SEMA3E: variants seen among roughly 807,000 people sequenced by gnomAD.
SEMA3E encodes semaphorin 3E, also known as semaphorin-3E.
Under a neutral mutation model 93.6 loss-of-function variants are expected in SEMA3E, and 49 were observed. The ratio of observed to expected loss-of-function variants is 0.52; its 90% CI spans 0.42 to 0.66. The LOEUF (loss-of-function observed/expected upper bound fraction) is 0.66, where lower values mean the gene tolerates loss of function less well. SEMA3E is among the 30% of genes least tolerant of loss of function. SEMA3E has a pLI of 0.00. For missense variants in SEMA3E, 906 were observed against 964.8 expected, an observed-to-expected ratio of 0.94 and a Z score of 0.81; for synonymous variants, 363 against 330.7, an observed-to-expected ratio of 1.10 and a Z score of -1.06.
At chr7:83,406,741 C>T (rs1788337677) in intron 7 of SEMA3E, among the ~76,000 whole-genome samples, 1 of 151,808 alleles carries the variant, frequency 6.6e-6, no homozygotes, top group South Asian at 2.1e-4. Flanking sequence ...CCGAATTGTT[C>T]AAACATAGCT....
At chr7:83,501,055 G>A (rs1790588143) in intron 1 of SEMA3E, among the ~76,000 whole-genome samples, 1 of 152,104 alleles carries the variant, frequency 6.6e-6, no homozygotes, top group Non-Finnish European at 1.5e-5. Flanking sequence ...ATTTTACAGA[G>A]AATTAGCTCT....
At chr7:83,484,236 T>C (rs1790207094) in intron 2 of SEMA3E, among the ~76,000 whole-genome samples, 1 of 152,204 alleles carries the variant, frequency 6.6e-6, no homozygotes, top group African/African-American at 2.4e-5. Flanking sequence ...TTCTCACTAA[T>C]TTTTTCCTCT....
chr7:83,511,252 A>G (rs1269649736), intron 1 of SEMA3E, among the ~76,000 whole-genome samples: 1 of 151,804 alleles, frequency 6.6e-6, no homozygotes, highest in African/African-American at 2.4e-5. Context: ...CAATGTTACA[A>G]ATGAATGCCT....
At chr7:83,632,575 C>T (rs537694876) in intron 1 of SEMA3E, among the ~76,000 whole-genome samples, 10 of 152,304 alleles carry the variant, frequency 6.6e-5, no homozygotes, top group African/African-American at 2.2e-4. Context: ...TCCTCCTTGC[C>T]TTCCGCCATG....
At chr7:83,592,047 G>A (rs1792766566) in intron 1 of SEMA3E, among the ~76,000 whole-genome samples, 1 of 151,976 alleles carries the variant, frequency 6.6e-6, no homozygotes. Flanking sequence ...ATATTCAGAA[G>A]TATTTGTATA....
At chr7:83,554,432 G>C (rs1000086301) in intron 1 of SEMA3E, among the ~76,000 whole-genome samples, 2 of 152,106 alleles carry the variant, frequency 1.3e-5, no homozygotes, top group African/African-American at 2.4e-5. Flanking sequence ...ATACGTGCAC[G>C]CAATACTGCT....
At chr7:83,434,575 A>G (rs1236538576) in intron 4 of SEMA3E, among the ~76,000 whole-genome samples, 2 of 152,184 alleles carry the variant, frequency 1.3e-5, no homozygotes, top group East Asian at 1.9e-4. Context: ...ACTGTGTTCT[A>G]TATACTTTCA....
At chr7:83,409,480 G>A (rs1359957262) in intron 5 of SEMA3E, among the ~76,000 whole-genome samples, 1 of 152,064 alleles carries the variant, frequency 6.6e-6, no homozygotes, top group Non-Finnish European at 1.5e-5. Flanking sequence ...TGGTAAAATT[G>A]TTTTCTTAAT....
rs181644053 is a variant in SEMA3E at position 83,461,302 on chromosome 7, C to T, written c.456+5180G>A. On this transcript the variant is annotated intron_variant, in intron 4 of 16. Transcript: ENST00000643230. ...AGCATTGCTGAGTCTTTCTAATCTT[C>T]CTTTTCTACAGACCAATCTGACCTC... Among the ~76,000 whole-genome samples, 425 of 152,220 alleles carry T rather than the reference C, an allele frequency of 2.8e-3. 3 individuals are homozygous for T. Among genetic ancestry groups the T allele is most frequent in the African/African-American group, 9.3e-3 (387 of 41,518 alleles).
chr7:83,634,537 C>T (rs1359581732), intron 1 of SEMA3E, among the ~76,000 whole-genome samples: 1 of 151,916 alleles, frequency 6.6e-6, no homozygotes, highest in Non-Finnish European at 1.5e-5. Flanking sequence ...TACTTCTGAG[C>T]AGTATAATGA....
chr7:83,369,667 C>G (rs1352875241), intron 16 of SEMA3E, among the ~76,000 whole-genome samples: 2 of 152,038 alleles, frequency 1.3e-5, no homozygotes, highest in Non-Finnish European at 2.9e-5. Flanking sequence ...CCAAGAAGAC[C>G]CTCAAAGCAA....
Position 83,460,481 on chromosome 7 carries a change from C to T in SEMA3E, c.456+6001G>A, listed in dbSNP as rs1002201950. 2.6e-5 allele frequency among the ~76,000 whole-genome samples: 4 copies of T among 151,920 alleles called. No homozygotes were observed. The East Asian group carries it at 7.8e-4, about 30-fold the overall frequency. On this transcript the variant is annotated intron_variant, in intron 4 of 16. Transcript: ENST00000643230. Reference sequence around the variant, plus strand: ...TGGTGTTTAATCATTGCAGGGACGCCGCTCTGATTATTTACCCACGTTTCA... The same window carrying T: ...TGGTGTTTAATCATTGCAGGGACGCTGCTCTGATTATTTACCCACGTTTCA...
chr7:83,390,385 A>G (rs370338050), intron 14 of SEMA3E, among the ~76,000 whole-genome samples: 3 of 152,174 alleles, frequency 2.0e-5, no homozygotes, highest in East Asian at 3.9e-4. Flanking sequence ...TCTTTTAGAC[A>G]TATTTAAAGA....
intron 1 of SEMA3E, among the ~76,000 whole-genome samples, chr7:83,521,120 A>T (rs1562817298): frequency 1.3e-5 from 2 of 151,714 alleles, no homozygotes; most frequent in Non-Finnish European, 2.9e-5. Flanking sequence ...GTATAGATGC[A>T]CAAAATGTTG....
intron 1 of SEMA3E, among the ~76,000 whole-genome samples, chr7:83,633,588 T>A (rs947615611): frequency 3.9e-5 from 6 of 152,090 alleles, no homozygotes; most frequent in African/African-American, 1.4e-4. Flanking sequence ...AAGGAAAGAT[T>A]ATAAAATTAA....
At chr7:83,537,362 C>T (rs905371331) in intron 1 of SEMA3E, among the ~76,000 whole-genome samples, 5 of 152,154 alleles carry the variant, frequency 3.3e-5, no homozygotes, top group Admixed American at 1.3e-4. Context: ...CCCTCCAATT[C>T]ACAATCCCTA....
At chr7:83,387,563 T>C (rs1787905839) in intron 14 of SEMA3E, among the ~76,000 whole-genome samples, 1 of 152,072 alleles carries the variant, frequency 6.6e-6, no homozygotes, top group South Asian at 2.1e-4. Flanking sequence ...CAATAAGACA[T>C]AAACTAATAA....
intron 4 of SEMA3E, among the ~76,000 whole-genome samples, chr7:83,455,309 T>C (rs1789457928): frequency 1.3e-5 from 2 of 152,224 alleles, no homozygotes; most frequent in Non-Finnish European, 2.9e-5. Context: ...AGAAAAATTC[T>C]GCAGATGGCC....
chr7:83,574,417 A>T (rs1792356740), intron 1 of SEMA3E, among the ~76,000 whole-genome samples: 1 of 151,796 alleles, frequency 6.6e-6, no homozygotes, highest in Middle Eastern at 3.4e-3. Context: ...ACAATGAGTG[A>T]GGCCATACAC....
Sources: gnomAD v4.1 joint callset for allele counts (sites outside exome capture counted in the v4.1 genomes callset) on GRCh38, gnomAD v4.1.1 for gene constraint, MANE v1.5 for transcripts, NCBI Gene and HGNC (gene_info 2026-07-23, HGNC 2026-07-21) for gene names.